The following GPR89B variants were observed in gnomAD, a reference collection of about 807,000 sequenced individuals.
GPR89B encodes the protein G protein-coupled receptor 89B.
GPR89B carries 25 observed loss-of-function variants against 52.4 expected under a neutral mutation model. The observed-to-expected ratio is 0.48, with a 90% CI of 0.35 to 0.67. GPR89B has a LOEUF of 0.67. Among genes scored for constraint, GPR89B ranks in the 30% least tolerant of loss-of-function variants. GPR89B has a pLI of 0.01. For missense variants in GPR89B, 146 were observed against 450.2 expected (o/e 0.32, Z 6.11); for synonymous variants, 52 against 151.2 (o/e 0.34, Z 4.81).
At chr1:148,017,244 G>A in the GPR89B span, among the ~76,000 whole-genome samples, 233 of 151,260 alleles carry the variant, frequency 1.5e-3, no homozygotes, top group South Asian at 4.2e-3. Context: ...GGGTTTCACC[G>A]TATTAGCCAG....
rs587608308 is a variant in GPR89B at position 147,950,168 on chromosome 1, C to T, written c.416-3177C>T. 6.0e-5 allele frequency among the ~76,000 whole-genome samples: 9 copies of T among 150,192 alleles called. No individual in the cohort carries two copies. In the South Asian group the frequency reaches 1.7e-3, roughly 28 times the overall value. ...GGCTGCCGGGCGGAGGGGCTCCTCA[C>T]TTCTCATATGGGGCGGTTGCCAGGC... On this transcript the variant is annotated intron_variant, in intron 5 of 13. Coordinates refer to ENST00000314163, the MANE Select transcript of GPR89B (RefSeq NM_016334.5).
chr1:147,940,653 T>A (rs1654483736), intron 3 of GPR89B, among the ~76,000 whole-genome samples: 1 of 152,176 alleles, frequency 6.6e-6, no homozygotes, highest in Non-Finnish European at 1.5e-5. Context: ...TCTGCTGTTG[T>A]AGAGCGAAAG....
At chr1:148,015,591 G>A in the GPR89B span, among the ~76,000 whole-genome samples, 2 of 148,280 alleles carry the variant, frequency 1.3e-5, no homozygotes, top group Non-Finnish European at 3.0e-5. Context: ...TGGGATTACA[G>A]GCTTGAGCCA....
intron 12 of GPR89B, among the ~76,000 whole-genome samples, chr1:147,989,428 T>C (rs1193533336): frequency 6.3e-5 from 8 of 126,616 alleles, no homozygotes; most frequent in Non-Finnish European, 1.0e-4. Context: ...AACTATTTTC[T>C]TTTTTTTTTT....
intron 1 of GPR89B, among the ~76,000 whole-genome samples, chr1:147,931,978 A>G (rs1553247097): frequency 6.6e-6 from 1 of 152,172 alleles, no homozygotes; most frequent in Non-Finnish European, 1.5e-5. Flanking sequence ...ATGAAATATT[A>G]AAGGTATATA....
chr1:147,986,222 T>C lies in GPR89B; in HGVS notation c.933T>C (p.Asp311=), dbSNP rs1178378603. 15 of 1,611,318 alleles carry C rather than the reference T, an allele frequency of 9.3e-6. No homozygotes were observed. The highest frequency in any genetic ancestry group is 1.3e-5 in the African/African-American group (1 of 74,804). ...AGGCTACCATCAATATTGTTTTTGA[T>C]CGAGTTGGGAAAACGGATCCTGTCA... ...IFMATINIVF[D]RVGKTDPVTR... is the part of the protein sequence containing the mutation. The change falls in exon 11 of 14, where the codon GAT becomes GAC. Residue 311 remains aspartate (D), a synonymous_variant. Transcript: ENST00000314163.
At chr1:147,962,445 G>T (rs1571278441) in intron 7 of GPR89B, among the ~76,000 whole-genome samples, 1 of 145,972 alleles carries the variant, frequency 6.9e-6, no homozygotes, top group Non-Finnish European at 1.5e-5. Flanking sequence ...AAAAAGAAAA[G>T]AAAAGAAATA....
chr1:147,973,709 T>A lies in GPR89B; in HGVS notation c.909+3750T>A, dbSNP rs1160591392. On this transcript the variant is annotated intron_variant, in intron 10 of 13. Transcript: ENST00000314163. Reference sequence around the variant, plus strand: ...TTGTCAATTTTTGCTTTTGTGGCAATTGCTTTTGACATTTTTGTCATGAAA... The same window carrying A: ...TTGTCAATTTTTGCTTTTGTGGCAAATGCTTTTGACATTTTTGTCATGAAA... 9.9e-5 allele frequency among the ~76,000 whole-genome samples: 15 copies of A among 151,998 alleles called. No homozygotes were observed. The East Asian group carries it at 2.9e-3, about 29-fold the overall frequency.
chr1:147,985,412 T>G (rs1423528835), intron 10 of GPR89B, among the ~76,000 whole-genome samples: 4 of 152,110 alleles, frequency 2.6e-5, no homozygotes, highest in African/African-American at 7.2e-5. Context: ...TTATCCAATC[T>G]AACAACCTCT....
chr1:147,999,569 A>T, the GPR89B span, among the ~76,000 whole-genome samples: 2 of 147,560 alleles, frequency 1.4e-5, no homozygotes, highest in African/African-American at 5.1e-5. Flanking sequence ...ACTGCACTCC[A>T]GCCTGGTGAC....
chr1:148,022,227 G>A, the GPR89B span, among the ~76,000 whole-genome samples: 1 of 151,070 alleles, frequency 6.6e-6, no homozygotes, highest in Non-Finnish European at 1.5e-5. Flanking sequence ...TCAGGAGCTG[G>A]TCAGCAGTCC....
chr1:147,997,723 T>C (rs1291902233), downstream of GPR89B, among the ~76,000 whole-genome samples: 1 of 152,180 alleles, frequency 6.6e-6, no homozygotes, highest in Non-Finnish European at 1.5e-5. Context: ...AGAATGTTAA[T>C]ATAACACTAT....
chr1:147,988,323 G>A (rs1200507102), intron 11 of GPR89B, 109 bp from the exon 12 acceptor site: 20 of 1,449,346 alleles, frequency 1.4e-5, no homozygotes, highest in Non-Finnish European at 1.8e-5. Flanking sequence ...ATCAGGTAGG[G>A]TCTAATAAAG....
intron 5 of GPR89B, among the ~76,000 whole-genome samples, chr1:147,950,516 A>G (rs1301576532): frequency 6.6e-6 from 1 of 151,946 alleles, no homozygotes; most frequent in Non-Finnish European, 1.5e-5. Context: ...GACGCTCCTC[A>G]CTTCCCAGAC....
the GPR89B span, among the ~76,000 whole-genome samples, chr1:147,999,220 A>G: frequency 5.4e-3 from 816 of 151,122 alleles, 8 homozygotes; most frequent in African/African-American, 0.019. Context: ...CTGCAAAATG[A>G]CTCATCATTT....
intron 10 of GPR89B, among the ~76,000 whole-genome samples, chr1:147,975,533 T>C (rs1657772305): frequency 6.6e-6 from 1 of 152,236 alleles, no homozygotes; most frequent in African/African-American, 2.4e-5. Flanking sequence ...ATTTTTTTTG[T>C]GTCTGTTTGA....
rs1654310050 is a variant in GPR89B, at chr1:147,938,807, T to C, written c.196T>C (p.Leu66=). The C allele has an allele frequency of 6.4e-7, 1 of 1,567,118 alleles. No homozygotes were observed. Residue 66 remains leucine, a synonymous_variant, in exon 3 of 14, where the codon TTG becomes CTG. Transcript: ENST00000314163. ...CATCATCTTTGAAATCTTAGGAGTA[T>C]TGAATAGCAGGTGAGTAAGAGTACT... is the stretch of plus-strand genomic sequence containing the variant. ...ELIIFEILGV[L]NSSSRYFHWK... is the part of the protein sequence containing the mutation.
At chr1:148,007,409 T>C in the GPR89B span, among the ~76,000 whole-genome samples, 4 of 152,146 alleles carry the variant, frequency 2.6e-5, no homozygotes, top group African/African-American at 9.6e-5. Flanking sequence ...ATAACATTTG[T>C]ACATATTTAT....
chr1:147,947,767 GAT>G (rs1186722197), intron 5 of GPR89B, among the ~76,000 whole-genome samples: 8 of 152,008 alleles, frequency 5.3e-5, no homozygotes, highest in Non-Finnish European at 7.4e-5. Context: ...GTTACTGAGT[GAT>G]ATTATAGTCA....
Sources: allele counts gnomAD v4.1 joint callset (sites outside exome capture counted in the v4.1 genomes callset), GRCh38; gene constraint gnomAD v4.1.1; transcripts MANE v1.5; gene names NCBI Gene and HGNC (gene_info 2026-07-23, HGNC 2026-07-21).